AUTS2: variants seen among roughly 807,000 people sequenced by gnomAD.
AUTS2 encodes the protein autism susceptibility gene 2 protein.
Under a neutral mutation model 112.4 loss-of-function variants are expected in AUTS2, and 17 were observed. The ratio of observed to expected loss-of-function variants is 0.15; its 90% confidence interval spans 0.10 to 0.23. The LOEUF is 0.23. Ranked by LOEUF, AUTS2 falls within the 10% of genes least tolerant of loss-of-function variation. The pLI is 1.00. For synonymous variants in AUTS2, 751 were observed against 702.7 expected (o/e 1.07, Z -1.09); for missense variants, 1,510 against 1,701.6 (o/e 0.89, Z 1.98).
chr7:70,687,645 A>G (rs1202158023), intron 5 of AUTS2, among the ~76,000 whole-genome samples: 1 of 152,194 alleles, frequency 6.6e-6, no homozygotes, highest in Non-Finnish European at 1.5e-5. Context: ...TTGCAGATCC[A>G]TGATCAATTG....
At chr7:69,759,997 T>C (rs920557713) in intron 1 of AUTS2, among the ~76,000 whole-genome samples, 1 of 151,850 alleles carries the variant, frequency 6.6e-6, no homozygotes, top group Non-Finnish European at 1.5e-5. Flanking sequence ...GAAAAAAGTT[T>C]ATTTAGATAG....
At chr7:70,424,761 T>G (rs1450840630) in intron 4 of AUTS2, among the ~76,000 whole-genome samples, 1 of 152,088 alleles carries the variant, frequency 6.6e-6, no homozygotes, top group Non-Finnish European at 1.5e-5. Context: ...AATTTTAAAA[T>G]TTTTTGCAGG....
chr7:69,968,356 T>C (rs1353506657), intron 2 of AUTS2, among the ~76,000 whole-genome samples: 2 of 152,342 alleles, frequency 1.3e-5, no homozygotes, highest in Middle Eastern at 3.4e-3. Context: ...ATTTTGGTTG[T>C]ACCTAAAATT....
intron 6 of AUTS2, among the ~76,000 whole-genome samples, chr7:70,726,001 G>A (rs1230929620): frequency 4.7e-5 from 7 of 148,892 alleles, no homozygotes; most frequent in Non-Finnish European, 3.0e-5. Flanking sequence ...CAGCCTGGGG[G>A]ACAGAGTGAG....
chr7:70,625,660 A>G (rs1804900181), intron 5 of AUTS2, among the ~76,000 whole-genome samples: 1 of 152,210 alleles, frequency 6.6e-6, no homozygotes, highest in Non-Finnish European at 1.5e-5. Context: ...GAGGTGAGAA[A>G]GTGCCAGGCC....
chr7:70,475,382 G>A (rs1445853966), intron 5 of AUTS2, among the ~76,000 whole-genome samples: 1 of 151,954 alleles, frequency 6.6e-6, no homozygotes, highest in Non-Finnish European at 1.5e-5. Context: ...ATTACATCAG[G>A]GCCTTTTCCA....
chr7:70,389,061 G>T (rs1793736131), intron 4 of AUTS2, among the ~76,000 whole-genome samples: 1 of 152,152 alleles, frequency 6.6e-6, no homozygotes, highest in Admixed American at 6.5e-5. Context: ...AAAAGTATAG[G>T]TTAACCAAGC....
chr7:70,355,926 C>T (rs1046036899), intron 4 of AUTS2, among the ~76,000 whole-genome samples: 7 of 152,162 alleles, frequency 4.6e-5, no homozygotes, highest in African/African-American at 1.7e-4. Flanking sequence ...GGCTTTCTGC[C>T]TTCATTTGTC....
chr7:70,167,810 C>A (rs1808463149), intron 4 of AUTS2, among the ~76,000 whole-genome samples: 2 of 152,162 alleles, frequency 1.3e-5, no homozygotes, highest in Admixed American at 1.3e-4. Flanking sequence ...TTTTAAATAA[C>A]CCATATCAAA....
intron 4 of AUTS2, among the ~76,000 whole-genome samples, chr7:70,206,892 A>AT (rs1424988896): frequency 4.6e-5 from 7 of 151,998 alleles, no homozygotes; most frequent in Admixed American, 1.3e-4. Flanking sequence ...CTTAAGGTGG[A>AT]TTTTTTTCCT....
intron 5 of AUTS2, among the ~76,000 whole-genome samples, chr7:70,528,652 C>A (rs576802964): frequency 1.3e-5 from 2 of 152,130 alleles, no homozygotes; most frequent in South Asian, 4.2e-4. Context: ...TGGCACACGC[C>A]TCTAGTCCCA....
chr7:70,029,435 A>T (rs1320683992), intron 2 of AUTS2, among the ~76,000 whole-genome samples: 1 of 151,964 alleles, frequency 6.6e-6, no homozygotes, highest in Non-Finnish European at 1.5e-5. Flanking sequence ...CTCCTTGAGT[A>T]TGGAGATGGT....
At chr7:70,698,494 A>T in intron 5 of AUTS2, 75 bp from the exon 6 acceptor site, 1 of 1,279,712 alleles carries the variant, frequency 7.8e-7, no homozygotes, top group Non-Finnish European at 1.1e-6. Flanking sequence ...ACTGATTTAA[A>T]ATAATGGGAA....
chr7:69,796,043 G>T (rs901195475), intron 1 of AUTS2, among the ~76,000 whole-genome samples: 1 of 152,202 alleles, frequency 6.6e-6, no homozygotes, highest in African/African-American at 2.4e-5. Flanking sequence ...GGTCTGTCAG[G>T]CATTAACATT....
intron 5 of AUTS2, 114 bp from the exon 6 acceptor site, chr7:70,698,455 C>T (rs1427405797): frequency 1.1e-6 from 1 of 888,354 alleles, no homozygotes; most frequent in Non-Finnish European, 1.7e-6. Flanking sequence ...ATTGCTGCTT[C>T]CCTGCTAGGC....
In AUTS2 at chr7:70,734,652, G is replaced by A. The variant is rs117418564; in HGVS notation, c.743-28218G>A. 9.6e-3 allele frequency among the ~76,000 whole-genome samples: 1,464 copies of A among 152,184 alleles called. 17 individuals carry two copies. The highest frequency in any genetic ancestry group is 0.017 in the South Asian group (80 of 4,820). ...CTGCTCACTGGAAATGTTGGGCACT[G>A]AATAGATTAGTCAGAGTTTCCAGAA... On this transcript the variant is annotated intron_variant, in intron 6 of 18. Coordinates refer to ENST00000342771, the MANE Select transcript of AUTS2 (RefSeq NM_015570.4).
At chr7:70,055,091 C>T (rs1355296655) in intron 2 of AUTS2, among the ~76,000 whole-genome samples, 2 of 152,118 alleles carry the variant, frequency 1.3e-5, no homozygotes, top group Non-Finnish European at 2.9e-5. Context: ...AACACATCTA[C>T]TTTAAGTTAA....
chr7:70,265,939 T>C (rs899905532), intron 4 of AUTS2, among the ~76,000 whole-genome samples: 2 of 152,188 alleles, frequency 1.3e-5, no homozygotes, highest in African/African-American at 4.8e-5. Flanking sequence ...CTGAGATTGT[T>C]GTGAAAATTA....
chr7:70,485,971 G>A (rs1725459947), intron 5 of AUTS2, among the ~76,000 whole-genome samples: 1 of 150,158 alleles, frequency 6.7e-6, no homozygotes, highest in Non-Finnish European at 1.5e-5. Flanking sequence ...ACTTGTTGAA[G>A]AAAAAAACCT....
Sources: allele counts gnomAD v4.1 joint callset (sites outside exome capture counted in the v4.1 genomes callset), GRCh38; gene constraint gnomAD v4.1.1; transcripts MANE v1.5; gene names NCBI Gene and HGNC (gene_info 2026-07-23, HGNC 2026-07-21).